PPP6R2: variants seen among roughly 807,000 people sequenced by gnomAD.
PPP6R2 encodes serine/threonine-protein phosphatase 6 regulatory subunit 2.
PPP6R2 carries 62 observed loss-of-function variants against 100.2 expected under a neutral mutation model. The ratio of observed to expected loss-of-function variants is 0.62; its 90% CI spans 0.50 to 0.76. The LOEUF (loss-of-function observed/expected upper bound fraction) is 0.76. Ranked by LOEUF, PPP6R2 falls within the 30% of genes least tolerant of loss-of-function variation. The pLI, the probability that PPP6R2 is intolerant of heterozygous loss-of-function variation, is 0.00. For synonymous variants in PPP6R2, 525 were observed against 514.7 expected (o/e 1.02, Z -0.27); for missense variants, 1,142 against 1,276.3 (o/e 0.89, Z 1.60).
At chr22:50,407,275 A>AGGCAGAGG (rs11283597) in intron 4 of PPP6R2, among the ~76,000 whole-genome samples, 58,893 of 151,468 alleles carry the variant, frequency 0.39, 11,897 homozygotes, top group East Asian at 0.74. Flanking sequence ...TGAACCTGGG[A>AGGCAGAGG]GGCAGAGGTT....
rs369047427 is a variant in PPP6R2, at chr22:50,437,880, A to G, written c.1819A>G (p.Ile607Val). 3.9e-6 allele frequency: 6 copies of G among 1,554,798 alleles called. No homozygotes were observed. Among genetic ancestry groups the G allele is most frequent in the Admixed American group, 2.0e-5 (1 of 51,140 alleles). ...CAGGATCGCAGAGATCAACTTCAAC[A>G]TCGACGCTGACGAGGACAGTGTGAG... ...FDRIAEINFN[I>V]DADEDSPSAA... The change falls in exon 17 of 24, where the codon ATC becomes GTC. Residue 607 changes from isoleucine (I) to valine (V), a missense_variant. Ile to Val is a conservative substitution (Grantham distance 29, BLOSUM62 3). Transcript: ENST00000612753.
chr22:50,414,812 C>G lies in PPP6R2; in HGVS notation c.552+123C>G, dbSNP rs1477786294. The G allele has an allele frequency of 2.7e-6, 3 of 1,100,002 alleles. No homozygotes were observed. In the African/African-American group the frequency reaches 4.7e-5, roughly 17 times the overall value. The allele number at this position is 1,100,002 out of a possible 1,614,324, so 68.1% of individuals were successfully genotyped here. ...CCATCTCTCCACCTAGCGTGCATTT[C>G]TCCGTGGGGCTGTTAGGGGTTCTTG... On this transcript the variant is annotated intron_variant, in intron 5 of 23. Coordinates refer to ENST00000612753, the MANE Select transcript of PPP6R2 (RefSeq NM_001242898.2).
intron 3 of PPP6R2, among the ~76,000 whole-genome samples, chr22:50,404,617 T>G (rs1422402262): frequency 1.7e-5 from 2 of 114,408 alleles, no homozygotes; most frequent in Admixed American, 9.7e-5. Context: ...TTTTTTTTTT[T>G]GGAGAGACGG....
intron 4 of PPP6R2, among the ~76,000 whole-genome samples, chr22:50,411,977 G>A (rs1391213168): frequency 1.3e-5 from 2 of 151,446 alleles, no homozygotes; most frequent in African/African-American, 2.4e-5. Context: ...CCCAGGAGGC[G>A]GAGCTTGCAG....
At chr22:50,347,590 G>T (rs2147989216) in intron 1 of PPP6R2, among the ~76,000 whole-genome samples, 1 of 151,860 alleles carries the variant, frequency 6.6e-6, no homozygotes, top group South Asian at 2.1e-4. Context: ...CCACTCTCTT[G>T]TTACTGACTC....
intron 1 of PPP6R2, among the ~76,000 whole-genome samples, chr22:50,348,862 C>G (rs1470885599): frequency 1.3e-5 from 2 of 151,198 alleles, no homozygotes; most frequent in African/African-American, 4.9e-5. Flanking sequence ...AAGGCCAGGG[C>G]AGCCTGGGGA....
intron 6 of PPP6R2, among the ~76,000 whole-genome samples, chr22:50,418,060 C>T (rs559099040): frequency 1.3e-5 from 2 of 152,282 alleles, no homozygotes; most frequent in East Asian, 3.9e-4. Flanking sequence ...AGCAACTTCC[C>T]TATTTTCATT....
At chr22:50,334,953 AAAAC>A in the PPP6R2 span, among the ~76,000 whole-genome samples, 378 of 152,180 alleles carry the variant, frequency 2.5e-3, no homozygotes, top group Non-Finnish European at 3.5e-3. Flanking sequence ...TCTGTGTCAA[AAAAC>A]AAACAAACAA....
intron 3 of PPP6R2, 79 bp from the exon 4 acceptor site, chr22:50,406,609 AG>A: frequency 7.5e-7 from 1 of 1,339,942 alleles, no homozygotes; most frequent in Non-Finnish European, 1.0e-6. Flanking sequence ...CTGCTTCCTA[AG>A]AAGCAGACTA....
At chr22:50,352,149 C>G (rs2045437703) in intron 1 of PPP6R2, among the ~76,000 whole-genome samples, 1 of 150,958 alleles carries the variant, frequency 6.6e-6, no homozygotes, top group Non-Finnish European at 1.5e-5. Flanking sequence ...CCATGTTGGC[C>G]AGGCTGGTCT....
intron 4 of PPP6R2, among the ~76,000 whole-genome samples, chr22:50,412,580 G>A (rs1253333918): frequency 8.2e-5 from 12 of 145,878 alleles, no homozygotes; most frequent in Admixed American, 8.2e-4. Context: ...TGGAGTTTTA[G>A]TATGTTCTGG....
chr22:50,365,076 T>G (rs1225251903), intron 1 of PPP6R2, among the ~76,000 whole-genome samples: 1 of 150,668 alleles, frequency 6.6e-6, no homozygotes, highest in Non-Finnish European at 1.5e-5. Flanking sequence ...ATACTTTTTT[T>G]TTTTTTTTTT....
intron 2 of PPP6R2, among the ~76,000 whole-genome samples, chr22:50,381,114 C>CA (rs768271991): frequency 0.32 from 35,825 of 112,766 alleles, 4,993 homozygotes; most frequent in South Asian, 0.48. Flanking sequence ...AACTTTGTCT[C>CA]AAAAAAAAAA....
chr22:50,340,607 G>GTGTA, upstream of PPP6R2, among the ~76,000 whole-genome samples: 1 of 151,068 alleles, frequency 6.6e-6, no homozygotes, highest in Non-Finnish European at 1.5e-5. Flanking sequence ...TGTGGTGTGT[G>GTGTA]GTGTGTGCGT....
intron 1 of PPP6R2, among the ~76,000 whole-genome samples, chr22:50,358,865 T>C (rs982872020): frequency 9.2e-5 from 14 of 152,166 alleles, no homozygotes; most frequent in African/African-American, 3.4e-4. Context: ...TAATTAAACA[T>C]GTCTGCAGGC....
In PPP6R2 at chr22:50,393,873, C is replaced by A; in HGVS notation, c.-16-20C>A. On this transcript the variant is annotated intron_variant, in intron 2 of 23. Transcript: ENST00000612753. ...GATTTGCAAGGGTGAGAGACGTGAC[C>A]CCTTTGCCCTCGTTTGCAGCTCTGC... 6.2e-7 allele frequency: 1 copy of A among 1,613,162 alleles called. No homozygotes were observed. Among genetic ancestry groups the A allele is most frequent in the Non-Finnish European group, 8.5e-7 (1 of 1,179,270 alleles).
intron 1 of PPP6R2, among the ~76,000 whole-genome samples, chr22:50,367,686 T>C (rs2049038088): frequency 6.6e-6 from 1 of 152,212 alleles, no homozygotes. Flanking sequence ...TAAATTACAA[T>C]AAATATAATT....
At chr22:50,353,917 TAAAAG>T (rs918449800) in intron 1 of PPP6R2, among the ~76,000 whole-genome samples, 4 of 151,886 alleles carry the variant, frequency 2.6e-5, no homozygotes, top group South Asian at 2.1e-4. Flanking sequence ...CAAAGAAAAT[TAAAAG>T]AATACATTTT....
intron 22 of PPP6R2, 185 bp downstream of exon 22, chr22:50,441,211 A>C: frequency 1.7e-6 from 1 of 593,648 alleles, no homozygotes. Flanking sequence ...CCACGCGTTT[A>C]CGTGGAGGCC....
Sources: allele counts gnomAD v4.1 joint callset (sites outside exome capture counted in the v4.1 genomes callset), GRCh38; gene constraint gnomAD v4.1.1; transcripts MANE v1.5; gene names NCBI Gene and HGNC (gene_info 2026-07-23, HGNC 2026-07-21).